Variants in COL23A1 observed in about 807,000 individuals in gnomAD.
The protein encoded by COL23A1 is collagen type XXIII alpha 1 chain.
Under a neutral mutation model 99.3 loss-of-function variants are expected in COL23A1, and 97 were observed. The observed-to-expected ratio is 0.98, with a 90% CI of 0.83 to 1.16. COL23A1 has a LOEUF of 1.16. Ranked by LOEUF, COL23A1 falls within the 50% of genes most tolerant of loss-of-function variation. COL23A1 has a pLI of 0.00. For synonymous variants in COL23A1, 320 were observed against 308.2 expected (o/e 1.04, Z -0.40); for missense variants, 762 against 757.4 (o/e 1.01, Z -0.07).
At chr5:178,348,886 C>A (rs759360455) in intron 2 of COL23A1, among the ~76,000 whole-genome samples, 1 of 152,204 alleles carries the variant, frequency 6.6e-6, no homozygotes, top group Non-Finnish European at 1.5e-5. Flanking sequence ...AAATTCAGGG[C>A]TGCAGCTCGT....
At chr5:178,562,249 G>GAAAAAAAA (rs777023242) in intron 1 of COL23A1, 1 of 191,844 alleles carries the variant, frequency 5.2e-6, no homozygotes. Flanking sequence ...CTCAAAAAAA[G>GAAAAAAAA]AAAAAAAAAA....
intron 2 of COL23A1, among the ~76,000 whole-genome samples, chr5:178,324,098 T>C (rs1199804314): frequency 6.6e-6 from 1 of 151,956 alleles, no homozygotes; most frequent in Non-Finnish European, 1.5e-5. Context: ...CCTTTCCCTC[T>C]TGAGGTCCTG....
chr5:178,469,436 A>G (rs998791126), intron 2 of COL23A1, among the ~76,000 whole-genome samples: 1 of 152,078 alleles, frequency 6.6e-6, no homozygotes, highest in African/African-American at 2.4e-5. Context: ...AAGCCCCACC[A>G]CATTCTACGA....
intron 2 of COL23A1, among the ~76,000 whole-genome samples, chr5:178,355,563 T>C (rs11952074): frequency 0.14 from 21,001 of 152,170 alleles, 1,508 homozygotes; most frequent in African/African-American, 0.14. Flanking sequence ...GACAGAGTCT[T>C]GCTCTGTTGC....
At chr5:178,274,769 C>T (rs1756493466) in intron 5 of COL23A1, among the ~76,000 whole-genome samples, 1 of 152,230 alleles carries the variant, frequency 6.6e-6, no homozygotes, top group African/African-American at 2.4e-5. Context: ...TCAAATCCCT[C>T]CTCTGAGCCT....
In COL23A1 at chr5:178,307,072, G is replaced by C. The variant is rs906638848; in HGVS notation, c.362-153C>G. On this transcript the variant is annotated intron_variant, in intron 2 of 28. Transcript: ENST00000390654. This position sits in a 1 kb window ranked among gnomAD's most constrained non-coding sequence, Gnocchi z 4.2. ...CTGCTGGCTGTGGAGGGGGAGATGC[G>C]TGGGGAGAAACCCCTTCCTTCTGCC... 1 of 527,500 alleles carries C rather than the reference G, an allele frequency of 1.9e-6. No homozygotes were observed. The highest frequency in any genetic ancestry group is 2.0e-5 in the African/African-American group (1 of 49,692). The allele number at this position is 527,500 out of a possible 1,614,324, so 32.7% of individuals were successfully genotyped here. A position where few individuals can be genotyped will look rare whatever the true frequency, so the allele number is the denominator to read the frequency against.
chr5:178,239,030 C>T lies in COL23A1; in HGVS notation c.1620+111G>A. ...GGCTATTCAGTCACTGTGCGAGAAGCCGCAGACACCCAGAGGTTTGAGTGA... is the reference window on the plus strand; with the variant it reads ...GGCTATTCAGTCACTGTGCGAGAAGTCGCAGACACCCAGAGGTTTGAGTGA... On this transcript the variant is annotated intron_variant, in intron 28 of 28. Transcript: ENST00000390654. The T allele has an allele frequency of 3.2e-6, 4 of 1,237,000 alleles. No homozygotes were observed. The Admixed American group carries it at 6.9e-5, about 21-fold the overall frequency. The allele number at this position is 1,237,000 out of a possible 1,614,324, so 76.6% of individuals were successfully genotyped here. A position where few individuals can be genotyped will look rare whatever the true frequency, so the allele number is the denominator to read the frequency against.
intron 1 of COL23A1, among the ~76,000 whole-genome samples, chr5:178,585,407 T>G (rs182011): frequency 0.92 from 132,986 of 144,452 alleles, 60,777 homozygotes; most frequent in Non-Finnish European, 0.94. Context: ...GACTGATGTG[T>G]GGGTAACACT....
At chr5:178,285,688 A>T (rs1409367253) in intron 5 of COL23A1, among the ~76,000 whole-genome samples, 5 of 152,216 alleles carry the variant, frequency 3.3e-5, no homozygotes. Context: ...CACACAGGTG[A>T]CTGACTCAAA....
At chr5:178,448,080 C>CGGGA (rs1767265737) in intron 2 of COL23A1, among the ~76,000 whole-genome samples, 1 of 152,150 alleles carries the variant, frequency 6.6e-6, no homozygotes, top group Non-Finnish European at 1.5e-5. Context: ...CATGAGGGCT[C>CGGGA]TCCCCTCGTG....
intron 2 of COL23A1, among the ~76,000 whole-genome samples, chr5:178,401,539 A>C (rs1764450547): frequency 6.6e-6 from 1 of 152,250 alleles, no homozygotes; most frequent in South Asian, 2.1e-4. Context: ...AATGTACCAC[A>C]GTTTCTTTAC....
intron 2 of COL23A1, among the ~76,000 whole-genome samples, chr5:178,319,704 G>T (rs558092480): frequency 6.6e-6 from 1 of 152,202 alleles, no homozygotes; most frequent in African/African-American, 2.4e-5. Context: ...GCAGCAGCCC[G>T]GCATGGCCCA....
intron 2 of COL23A1, among the ~76,000 whole-genome samples, chr5:178,438,379 G>T (rs1766678386): frequency 6.6e-6 from 1 of 152,232 alleles, no homozygotes; most frequent in Non-Finnish European, 1.5e-5. Flanking sequence ...TTTACTATCT[G>T]AAAATATCTG....
intron 2 of COL23A1, among the ~76,000 whole-genome samples, chr5:178,474,239 T>C (rs978278752): frequency 6.6e-6 from 1 of 152,246 alleles, no homozygotes; most frequent in African/African-American, 2.4e-5. Flanking sequence ...GAATTTTGTC[T>C]CAGTTTCTCT....
At chr5:178,447,239 G>A (rs1200526367) in intron 2 of COL23A1, among the ~76,000 whole-genome samples, 1 of 151,968 alleles carries the variant, frequency 6.6e-6, no homozygotes, top group Non-Finnish European at 1.5e-5. Flanking sequence ...GATTACAGGT[G>A]TGCACCACCA....
At chr5:178,545,608 T>A (rs1394259662) in intron 2 of COL23A1, among the ~76,000 whole-genome samples, 1 of 152,142 alleles carries the variant, frequency 6.6e-6, no homozygotes, top group Non-Finnish European at 1.5e-5. Context: ...AGGGCTCTCC[T>A]AAAAGCCAGG....
At chr5:178,324,368 G>A (rs1019435026) in intron 2 of COL23A1, among the ~76,000 whole-genome samples, 3 of 151,970 alleles carry the variant, frequency 2.0e-5, no homozygotes, top group Non-Finnish European at 4.4e-5. Flanking sequence ...GCTTTTCACC[G>A]TGCTGTGTTG....
Position 178,262,248 on chromosome 5 carries a change from G to C in COL23A1, c.644C>G (p.Pro215Arg), listed in dbSNP as rs377584065. ...GPRGAQGPAG[P>R]KGEPGQDGEM... The stretch of plus-strand genomic sequence containing the variant: ...GCCGTCTTGTCCGGGCTCTCCTTTG[G>C]GGCCCTGCGGAAGTGTGAGGGGACA... The change falls in exon 10 of 29, where the codon CCC (proline) becomes CGC (arginine). Residue 215 changes from proline (P) to arginine (R), a missense_variant. By Grantham distance (103) the Pro-to-Arg change is moderately radical. Transcript: ENST00000390654. 51 of 1,581,846 alleles carry C rather than the reference G, an allele frequency of 3.2e-5. No homozygotes were observed. The highest frequency in any genetic ancestry group is 4.3e-5 in the Non-Finnish European group (50 of 1,163,414).
At chr5:178,530,455 T>C (rs1052913161) in intron 2 of COL23A1, among the ~76,000 whole-genome samples, 5 of 151,846 alleles carry the variant, frequency 3.3e-5, no homozygotes, top group African/African-American at 9.7e-5. Flanking sequence ...GAGAAAGACC[T>C]GTTTCAAAAA....
Sources: allele counts gnomAD v4.1 joint callset (sites outside exome capture counted in the v4.1 genomes callset), GRCh38; gene constraint gnomAD v4.1.1; non-coding constraint Gnocchi (gnomAD v3.1); transcripts MANE v1.5; gene names NCBI Gene and HGNC (gene_info 2026-07-23, HGNC 2026-07-21).